The following WNT3 variants were observed in gnomAD, a reference collection of about 807,000 sequenced individuals.
The protein encoded by WNT3 is Wnt family member 3, also known as proto-oncogene Wnt-3.
Under a neutral mutation model 34.2 loss-of-function variants are expected in WNT3, and 7 were observed. That is an observed-to-expected ratio of 0.20 (90% CI 0.12 to 0.38). The LOEUF is 0.38. Among genes scored for constraint, WNT3 ranks in the 10% least tolerant of loss-of-function variants. WNT3 has a pLI of 1.00. For missense variants in WNT3, 267 were observed against 499.8 expected, an observed-to-expected ratio of 0.53 and a Z score of 4.44; for synonymous variants, 212 against 211.5, an observed-to-expected ratio of 1.00 and a Z score of -0.02.
At chr17:46,812,481 A>C (rs1426120366) in intron 1 of WNT3, among the ~76,000 whole-genome samples, 1 of 151,700 alleles carries the variant, frequency 6.6e-6, no homozygotes, top group Non-Finnish European at 1.5e-5. Flanking sequence ...CCCTGGTGCC[A>C]CTCCCCCTGG....
intron 3 of WNT3, among the ~76,000 whole-genome samples, chr17:46,769,295 G>A (rs547619924): frequency 1.4e-5 from 2 of 143,056 alleles, no homozygotes; most frequent in South Asian, 2.2e-4. Context: ...CAGCCTGGGC[G>A]ACTGAGCGAG....
At chr17:46,771,724 G>A (rs1481933436) in intron 2 of WNT3, among the ~76,000 whole-genome samples, 1 of 141,338 alleles carries the variant, frequency 7.1e-6, no homozygotes, top group Non-Finnish European at 1.6e-5. Context: ...CCCGGCGCCG[G>A]GCCGCGAAAT....
chr17:46,768,876 T>G lies in WNT3; in HGVS notation c.589-77A>C. On this transcript the variant is annotated intron_variant, in intron 3 of 4. Coordinates refer to ENST00000225512, the MANE Select transcript of WNT3 (RefSeq NM_030753.5). This position sits in a 1 kb window ranked among gnomAD's most constrained non-coding sequence, Gnocchi z 5.0. ...CATCCAGGCCTTCCCTCTCTGCCACTGCCCACCCCCTTCCCTCCAGCCTTC... is the reference window on the plus strand; with the variant it reads ...CATCCAGGCCTTCCCTCTCTGCCACGGCCCACCCCCTTCCCTCCAGCCTTC... 2 of 1,563,476 alleles carry G rather than the reference T, an allele frequency of 1.3e-6. No individual in the cohort carries two copies. The highest frequency in any genetic ancestry group is 1.7e-6 in the Non-Finnish European group (2 of 1,158,448).
intron 1 of WNT3, among the ~76,000 whole-genome samples, chr17:46,786,847 C>T (rs1184416618): frequency 1.3e-5 from 2 of 152,140 alleles, no homozygotes; most frequent in Non-Finnish European, 2.9e-5. Context: ...CATTCTAGAA[C>T]ATTCTAGAAA....
intron 1 of WNT3, among the ~76,000 whole-genome samples, chr17:46,794,240 T>C (rs568506358): frequency 3.3e-5 from 5 of 152,040 alleles, no homozygotes; most frequent in African/African-American, 7.2e-5. Context: ...TTCTGGGACA[T>C]TGATGTCACA....
At chr17:46,814,193 C>A (rs1376254538) in intron 1 of WNT3, among the ~76,000 whole-genome samples, 1 of 152,176 alleles carries the variant, frequency 6.6e-6, no homozygotes, top group Admixed American at 6.5e-5. Flanking sequence ...CCTCTTGGCC[C>A]CGGAGCTGTT....
chr17:46,777,430 G>A (rs553733502), intron 1 of WNT3, among the ~76,000 whole-genome samples: 1 of 152,316 alleles, frequency 6.6e-6, no homozygotes, highest in South Asian at 2.1e-4. Flanking sequence ...GTGGGTCTTC[G>A]CAGCCCAGCA....
At chr17:46,784,787 T>C (rs1331010038) in intron 1 of WNT3, among the ~76,000 whole-genome samples, 1 of 150,878 alleles carries the variant, frequency 6.6e-6, no homozygotes, top group Non-Finnish European at 1.5e-5. Context: ...CTTTTTTTTT[T>C]TTTTTTGAGA....
Position 46,797,476 on chromosome 17 carries a change from G to A in WNT3, c.80+21042C>T, listed in dbSNP as rs1354633135. 2.6e-5 allele frequency among the ~76,000 whole-genome samples: 4 copies of A among 152,254 alleles called. No individual in the cohort carries two copies. In the East Asian group the frequency reaches 7.7e-4, roughly 29 times the overall value. ...GACGGTGAAGGCCCAAGGCAGTGGA[G>A]TCCTCAGGAGTGGGCTTGCCTCGGG... On this transcript the variant is annotated intron_variant, in intron 1 of 4. Coordinates refer to ENST00000225512, the MANE Select transcript of WNT3 (RefSeq NM_030753.5).
At chr17:46,770,097 G>A in intron 2 of WNT3, 49 bp from the exon 3 acceptor site, 2 of 1,493,180 alleles carry the variant, frequency 1.3e-6, no homozygotes, top group Non-Finnish European at 8.9e-7. Context: ...GCCTGGGAGC[G>A]CCTGCCCTGC....
At chr17:46,795,574 C>T (rs1466002398) in intron 1 of WNT3, among the ~76,000 whole-genome samples, 1 of 152,206 alleles carries the variant, frequency 6.6e-6, no homozygotes, top group East Asian at 1.9e-4. Context: ...GCTCACTTGC[C>T]TGGTTAAAAG....
intron 1 of WNT3, among the ~76,000 whole-genome samples, chr17:46,781,412 C>CA (rs58042041): frequency 0.028 from 3,182 of 111,758 alleles, 111 homozygotes; most frequent in African/African-American, 0.092. Flanking sequence ...GACTCTGTCT[C>CA]AAAAAAAAAA....
intron 1 of WNT3, among the ~76,000 whole-genome samples, chr17:46,787,737 T>C (rs1278245322): frequency 3.3e-5 from 5 of 152,204 alleles, no homozygotes; most frequent in Non-Finnish European, 7.3e-5. Context: ...GCAGATCAAC[T>C]GAAGTCAGGA....
intron 1 of WNT3, among the ~76,000 whole-genome samples, chr17:46,784,030 A>G (rs1378946709): frequency 1.3e-5 from 2 of 151,474 alleles, no homozygotes; most frequent in African/African-American, 4.9e-5. Context: ...ATCCATTGCA[A>G]CCTCCCAGGG....
intron 1 of WNT3, among the ~76,000 whole-genome samples, chr17:46,817,284 G>T (rs752883895): frequency 6.6e-6 from 1 of 152,190 alleles, no homozygotes; most frequent in Non-Finnish European, 1.5e-5. Context: ...AGGCGGTACC[G>T]CACCGTGGTG....
At chr17:46,806,790 AC>A (rs764985190) in intron 1 of WNT3, among the ~76,000 whole-genome samples, 1 of 152,162 alleles carries the variant, frequency 6.6e-6, no homozygotes, top group Non-Finnish European at 1.5e-5. Flanking sequence ...TTGTGAGGAC[AC>A]CTTGCTGGGT....
intron 1 of WNT3, among the ~76,000 whole-genome samples, chr17:46,817,446 G>A (rs1049548332): frequency 6.6e-6 from 1 of 152,190 alleles, no homozygotes. Flanking sequence ...GGAATGTAGG[G>A]GGCTGGAGAC....
At chr17:46,771,565 GGCGGGGCCC>G (rs1027630632) in intron 2 of WNT3, among the ~76,000 whole-genome samples, 2 of 148,538 alleles carry the variant, frequency 1.3e-5, no homozygotes, top group African/African-American at 4.9e-5. Flanking sequence ...TTCCCCGTCC[GGCGGGGCCC>G]GCTGGGCCGC....
intron 1 of WNT3, among the ~76,000 whole-genome samples, chr17:46,790,218 C>A (rs1014206823): frequency 6.6e-6 from 1 of 152,154 alleles, no homozygotes; most frequent in African/African-American, 2.4e-5. Context: ...TTGCAACAGG[C>A]GCCTGGGTTT....
Sources: gnomAD v4.1 joint callset for allele counts (sites outside exome capture counted in the v4.1 genomes callset) on GRCh38, gnomAD v4.1.1 for gene constraint, Gnocchi (gnomAD v3.1) non-coding constraint, MANE v1.5 for transcripts, NCBI Gene and HGNC (gene_info 2026-07-23, HGNC 2026-07-21) for gene names.